MYH15: variants seen among roughly 807,000 people sequenced by gnomAD.
MYH15 encodes myosin heavy chain 15.
A neutral mutation model predicts 240.5 loss-of-function variants in MYH15; 227 were observed. The observed-to-expected ratio is 0.94, with a 90% CI of 0.85 to 1.05. The LOEUF (loss-of-function observed/expected upper bound fraction) is 1.05. Ranked by LOEUF, MYH15 falls within the 50% of genes least tolerant of loss-of-function variation. The pLI is 0.00. For missense variants in MYH15, 2,217 were observed against 2,247.5 expected (o/e 0.99, Z 0.27); for synonymous variants, 785 against 796.7 (o/e 0.99, Z 0.25).
In MYH15 at chr3:108,410,929, C is replaced by T. The variant is rs1194507852; in HGVS notation, c.4149G>A (p.Lys1383=). The T allele has an allele frequency of 1.3e-6, 2 of 1,593,060 alleles. No individual in the cohort carries two copies. ...CCTCCTGCAATCTAATTGCCAGTTC[C>T]TTCCTGAGAAAGGAGGACACCCAAA... The part of the protein sequence containing the change: ...QRTEDLEDAK[K]ELAIRLQEAA... The change falls in exon 31 of 41, where the codon AAG becomes AAA. Residue 1383 remains lysine (K), a synonymous_variant. Coordinates refer to ENST00000693548, the MANE Select transcript of MYH15 (RefSeq NM_014981.3).
At chr3:108,520,741 C>T (rs1050056930) in intron 1 of MYH15, among the ~76,000 whole-genome samples, 2 of 152,170 alleles carry the variant, frequency 1.3e-5, no homozygotes, top group Non-Finnish European at 2.9e-5. Context: ...CTAGTGCTAT[C>T]TCTCCAGTGA....
rs560854141 is a variant in MYH15 at position 108,456,610 on chromosome 3, G to T, written c.2138+156C>A. 7.3e-4 allele frequency among the ~76,000 whole-genome samples: 111 copies of T among 152,202 alleles called. 1 individual carries two copies. The highest frequency in any genetic ancestry group is 2.6e-3 in the African/African-American group (107 of 41,534). ...TTGGATTTAAGGGGAAATAATAATG[G>T]AACTCTGTCATCATATATCTTCCCA... is the stretch of plus-strand genomic sequence containing the variant. On this transcript the variant is annotated intron_variant, in intron 19 of 40. Coordinates refer to ENST00000693548, the MANE Select transcript of MYH15 (RefSeq NM_014981.3).
At chr3:108,519,219 T>C (rs1424291118) in intron 1 of MYH15, among the ~76,000 whole-genome samples, 1 of 152,204 alleles carries the variant, frequency 6.6e-6, no homozygotes, top group Non-Finnish European at 1.5e-5. Flanking sequence ...GAGAAAAATT[T>C]AGATTTGTGG....
At chr3:108,435,109 T>C (rs891194437) in intron 25 of MYH15, among the ~76,000 whole-genome samples, 3 of 152,244 alleles carry the variant, frequency 2.0e-5, no homozygotes, top group Admixed American at 1.3e-4. Context: ...ACATTTTTTA[T>C]ATTTGTTACA....
At chr3:108,457,935 G>A (rs1312959585) in intron 18 of MYH15, among the ~76,000 whole-genome samples, 1 of 152,206 alleles carries the variant, frequency 6.6e-6, no homozygotes, top group African/African-American at 2.4e-5. Flanking sequence ...ACAGGAGGCT[G>A]AGGTACAAGA....
chr3:108,537,895 T>G, the MYH15 span, among the ~76,000 whole-genome samples: 1 of 152,192 alleles, frequency 6.6e-6, no homozygotes, highest in South Asian at 2.1e-4. Flanking sequence ...TACTACAGTC[T>G]TGTTTCTCAA....
intron 16 of MYH15, among the ~76,000 whole-genome samples, chr3:108,462,572 A>G (rs1404224462): frequency 6.6e-6 from 1 of 152,104 alleles, no homozygotes; most frequent in Admixed American, 6.5e-5. Context: ...AAGATAATGT[A>G]TCTAACAGTA....
At chr3:108,536,215 A>G in the MYH15 span, among the ~76,000 whole-genome samples, 1 of 152,240 alleles carries the variant, frequency 6.6e-6, no homozygotes, top group Non-Finnish European at 1.5e-5. Flanking sequence ...CAGCCAGCCA[A>G]GATTGTGCTA....
At chr3:108,392,595 T>G (rs1176151531) in intron 36 of MYH15, among the ~76,000 whole-genome samples, 1 of 152,186 alleles carries the variant, frequency 6.6e-6, no homozygotes, top group African/African-American at 2.4e-5. Flanking sequence ...GTCTATCAGG[T>G]TACCAACCAT....
At chr3:108,541,526 T>C in the MYH15 span, among the ~76,000 whole-genome samples, 1 of 151,986 alleles carries the variant, frequency 6.6e-6, no homozygotes, top group Non-Finnish European at 1.5e-5. Context: ...TTAAACACTT[T>C]ACAGAAAAGG....
chr3:108,448,927 A>G (rs1244475538), intron 21 of MYH15, among the ~76,000 whole-genome samples: 1 of 152,046 alleles, frequency 6.6e-6, no homozygotes, highest in Non-Finnish European at 1.5e-5. Flanking sequence ...AAAAAAATCA[A>G]CATAAAAAAT....
intron 30 of MYH15, among the ~76,000 whole-genome samples, chr3:108,411,709 A>G (rs544035364): frequency 6.6e-6 from 1 of 152,236 alleles, no homozygotes; most frequent in African/African-American, 2.4e-5. Flanking sequence ...ATTCTTACTC[A>G]TTCATTATAC....
chr3:108,510,414 G>A, intron 1 of MYH15, 29 bp downstream of exon 1: 1 of 1,581,208 alleles, frequency 6.3e-7, no homozygotes, highest in Middle Eastern at 1.7e-4. Context: ...GCAAAATAAA[G>A]TGAAGCCAGC....
At chr3:108,537,841 AT>A in the MYH15 span, among the ~76,000 whole-genome samples, 1 of 152,192 alleles carries the variant, frequency 6.6e-6, no homozygotes. Flanking sequence ...TGGGAAGAAA[AT>A]AATACATAGC....
chr3:108,460,270 AAT>A, intron 17 of MYH15, 28 bp downstream of exon 17: 1 of 1,508,954 alleles, frequency 6.6e-7, no homozygotes. Flanking sequence ...TGAGGCAATT[AAT>A]ATATGAATAG....
At chr3:108,403,050 G>A (rs753735573) in intron 33 of MYH15, among the ~76,000 whole-genome samples, 3 of 152,138 alleles carry the variant, frequency 2.0e-5, no homozygotes, top group African/African-American at 7.2e-5. Flanking sequence ...ATCCAAAAAT[G>A]TCTATGAAGC....
In MYH15 at chr3:108,427,604, CACACACACACACA is replaced by C. The variant is rs1211243427; in HGVS notation, c.3702+875_3702+887del. Among the ~76,000 whole-genome samples, 276 of 99,320 alleles carry C rather than the reference CACACACACACACA, an allele frequency of 2.8e-3. 1 individual carries two copies. Among genetic ancestry groups the C allele is most frequent in the African/African-American group, 0.01 (264 of 25,628 alleles). The allele number at this position is 99,320 out of a possible 152,430, so 65.2% of individuals were successfully genotyped here. On this transcript the variant is annotated intron_variant, in intron 27 of 40. Transcript: ENST00000693548. ...AGCAGCAGGAATGGACTAAGACACA[CACACACACACACA>C]ACACACACACACACACACAGAGAGA...
At chr3:108,549,839 A>C in the MYH15 span, 2 of 151,774 alleles carry the variant, frequency 1.3e-5, no homozygotes, top group African/African-American at 2.4e-5. Flanking sequence ...TCATTCATTC[A>C]TTTCTTTCTT....
chr3:108,534,435 A>C, the MYH15 span, among the ~76,000 whole-genome samples: 4 of 152,194 alleles, frequency 2.6e-5, no homozygotes, highest in African/African-American at 7.2e-5. Flanking sequence ...AAGTCGAAAA[A>C]GTGAAGTATT....
Sources: allele counts gnomAD v4.1 joint callset (sites outside exome capture counted in the v4.1 genomes callset), GRCh38; gene constraint gnomAD v4.1.1; transcripts MANE v1.5; gene names NCBI Gene and HGNC (gene_info 2026-07-23, HGNC 2026-07-21).